Variants in ELMO1 observed in about 807,000 individuals in gnomAD.
The protein encoded by ELMO1 is engulfment and cell motility 1.
In ELMO1, 26 loss-of-function variants were observed where a neutral mutation model predicts 98.9. The ratio of observed to expected loss-of-function variants is 0.26; its 90% CI spans 0.19 to 0.36. ELMO1 has a LOEUF of 0.36. Among genes scored for constraint, ELMO1 ranks in the 10% least tolerant of loss-of-function variants. ELMO1 has a pLI of 1.00. For missense variants in ELMO1, 627 were observed against 935.2 expected (o/e 0.67, Z 4.30); for synonymous variants, 346 against 346.0 (o/e 1.00, Z 0.00).
rs1376018722 is a variant in ELMO1, at chr7:36,898,959, G to C, written c.1438-3942C>G. Among the ~76,000 whole-genome samples the C allele has an allele frequency of 3.9e-5, 6 of 152,178 alleles. No homozygotes were observed. In the East Asian group the frequency reaches 1.2e-3, roughly 29 times the overall value. On this transcript the variant is annotated intron_variant, in intron 16 of 21. Transcript: ENST00000310758. ...TGGAGGCCCTCCCAAAGGGCTGAGG[G>C]CATAGCACCAGGGCTTTAGCTGGGG...
At chr7:37,188,774 C>G (rs748616715) in intron 13 of ELMO1, among the ~76,000 whole-genome samples, 1 of 152,088 alleles carries the variant, frequency 6.6e-6, no homozygotes, top group African/African-American at 2.4e-5. Flanking sequence ...CACAACCCAA[C>G]GACCACTAAA....
intron 15 of ELMO1, among the ~76,000 whole-genome samples, chr7:37,017,904 C>T (rs991703235): frequency 1.5e-4 from 23 of 152,094 alleles, no homozygotes; most frequent in African/African-American, 5.6e-4. Context: ...AATGAGGAGG[C>T]AGGATAGAGA....
chr7:37,065,398 G>A (rs571690533), intron 15 of ELMO1, among the ~76,000 whole-genome samples: 37 of 152,158 alleles, frequency 2.4e-4, no homozygotes, highest in Admixed American at 9.2e-4. Flanking sequence ...TGAGAACTGC[G>A]CTAGCTAAGG....
intron 10 of ELMO1, chr7:37,217,838 T>C: frequency 6.6e-6 from 3 of 455,914 alleles, no homozygotes; most frequent in South Asian, 1.6e-5. Flanking sequence ...CTGTTAGAGG[T>C]TGACCACTGT....
At chr7:37,202,013 C>A (rs971383465) in intron 13 of ELMO1, among the ~76,000 whole-genome samples, 2 of 152,162 alleles carry the variant, frequency 1.3e-5, no homozygotes, top group Admixed American at 1.3e-4. Flanking sequence ...CCCAAGGATC[C>A]TTCAGGTGAA....
chr7:37,074,924 C>A (rs1797483235), intron 15 of ELMO1, among the ~76,000 whole-genome samples: 2 of 152,112 alleles, frequency 1.3e-5, no homozygotes, highest in Non-Finnish European at 2.9e-5. Flanking sequence ...AAGGGTTTTT[C>A]CACAGACCTT....
chr7:36,925,055 C>T (rs1013942496), intron 16 of ELMO1, among the ~76,000 whole-genome samples: 2 of 152,086 alleles, frequency 1.3e-5, no homozygotes, highest in Non-Finnish European at 2.9e-5. Context: ...TGCTGCTACA[C>T]GTTGTACAAT....
chr7:37,180,037 T>C (rs1293444658), intron 13 of ELMO1, among the ~76,000 whole-genome samples: 3 of 149,680 alleles, frequency 2.0e-5, no homozygotes, highest in Non-Finnish European at 4.4e-5. Flanking sequence ...GCAAATTCCA[T>C]TTTGCCACAC....
At chr7:36,966,277 T>G (rs1293457920) in intron 16 of ELMO1, among the ~76,000 whole-genome samples, 2 of 152,246 alleles carry the variant, frequency 1.3e-5, no homozygotes, top group Non-Finnish European at 1.5e-5. Context: ...ACTGTATACC[T>G]TGGCCGTATT....
At chr7:36,953,569 A>G (rs1788176050) in intron 16 of ELMO1, among the ~76,000 whole-genome samples, 1 of 152,202 alleles carries the variant, frequency 6.6e-6, no homozygotes, top group South Asian at 2.1e-4. Flanking sequence ...GTAATATAAT[A>G]TTGTATATAT....
intron 15 of ELMO1, among the ~76,000 whole-genome samples, chr7:37,077,956 T>C (rs1408889930): frequency 1.3e-5 from 2 of 152,176 alleles, no homozygotes; most frequent in East Asian, 3.9e-4. Context: ...TAGTTTGATA[T>C]TTTCCTCTTT....
intron 1 of ELMO1, among the ~76,000 whole-genome samples, chr7:37,434,542 T>C (rs1805065669): frequency 6.6e-6 from 1 of 152,246 alleles, no homozygotes; most frequent in Non-Finnish European, 1.5e-5. Flanking sequence ...TTGTGACCAA[T>C]TTTAAATGAT....
chr7:37,368,317 C>T (rs1355185217), intron 1 of ELMO1, among the ~76,000 whole-genome samples: 1 of 152,144 alleles, frequency 6.6e-6, no homozygotes, highest in Non-Finnish European at 1.5e-5. Flanking sequence ...CATTTCTATA[C>T]ACCAGGAACA....
chr7:37,126,732 C>G (rs951514234), intron 14 of ELMO1, among the ~76,000 whole-genome samples: 1 of 152,184 alleles, frequency 6.6e-6, no homozygotes, highest in Non-Finnish European at 1.5e-5. Flanking sequence ...AGAATCAGAT[C>G]CTGCCTTTCT....
At chr7:37,098,967 T>G (rs1273567084) in intron 14 of ELMO1, among the ~76,000 whole-genome samples, 2 of 152,238 alleles carry the variant, frequency 1.3e-5, no homozygotes, top group Non-Finnish European at 2.9e-5. Flanking sequence ...TAACATTTCA[T>G]GAGCACATTA....
intron 14 of ELMO1, among the ~76,000 whole-genome samples, chr7:37,105,053 C>T (rs1784869213): frequency 6.6e-6 from 1 of 152,136 alleles, no homozygotes; most frequent in South Asian, 2.1e-4. Flanking sequence ...TAATTAAAGC[C>T]TGGAGCTTCA....
In ELMO1 at chr7:37,209,730, C is replaced by A. The variant is rs1397442974; in HGVS notation, c.1086+1656G>T. ...GTGAGTCCCATCCGCCTTCCCTGGA[C>A]CATCGCTCTGGCAGAGGGGCTCTGC... On this transcript the variant is annotated intron_variant, in intron 13 of 21. Coordinates refer to ENST00000310758, the MANE Select transcript of ELMO1 (RefSeq NM_014800.11). 2.0e-5 allele frequency among the ~76,000 whole-genome samples: 3 copies of A among 152,126 alleles called. No individual in the cohort carries two copies. The East Asian group carries it at 5.8e-4, about 29-fold the overall frequency.
At chr7:36,912,820 G>A (rs1025153105) in intron 16 of ELMO1, among the ~76,000 whole-genome samples, 19 of 152,094 alleles carry the variant, frequency 1.2e-4, no homozygotes, top group African/African-American at 3.4e-4. Flanking sequence ...GCATAGTTAC[G>A]AATATTAAAT....
At chr7:37,393,500 GC>G (rs1350776037) in intron 1 of ELMO1, among the ~76,000 whole-genome samples, 140 of 152,186 alleles carry the variant, frequency 9.2e-4, no homozygotes, top group African/African-American at 3.3e-3. Flanking sequence ...ATCACACATT[GC>G]TTTAAGCTGT....
Sources: gnomAD v4.1 joint callset for allele counts (sites outside exome capture counted in the v4.1 genomes callset) on GRCh38, gnomAD v4.1.1 for gene constraint, MANE v1.5 for transcripts, NCBI Gene and HGNC (gene_info 2026-07-23, HGNC 2026-07-21) for gene names.